CNTLN: variants seen among roughly 807,000 people sequenced by gnomAD.
CNTLN encodes centlein, centrosomal protein.
CNTLN carries 212 observed loss-of-function variants against 180.0 expected under a neutral mutation model. The ratio of observed to expected loss-of-function variants is 1.18; its 90% CI spans 1.05 to 1.32. CNTLN has a LOEUF of 1.32. CNTLN is among the 40% of genes most tolerant of loss of function. The pLI is 0.00. For missense variants in CNTLN, 2,095 were observed against 1,610.9 expected, an observed-to-expected ratio of 1.30 and a Z score of -5.14; for synonymous variants, 722 against 563.1, an observed-to-expected ratio of 1.28 and a Z score of -3.99.
chr9:17,437,721 A>C (rs1829860543), intron 18 of CNTLN, among the ~76,000 whole-genome samples: 1 of 152,218 alleles, frequency 6.6e-6, no homozygotes, highest in Admixed American at 6.5e-5. Context: ...AATATTCAAC[A>C]ATGAATTAAA....
intron 12 of CNTLN, among the ~76,000 whole-genome samples, chr9:17,365,520 A>G (rs2133427802): frequency 6.6e-6 from 1 of 152,334 alleles, no homozygotes; most frequent in East Asian, 1.9e-4. Context: ...GGTTCTGGTC[A>G]AATACTCACA....
At chr9:17,515,607 A>G in the CNTLN span, among the ~76,000 whole-genome samples, 3 of 152,130 alleles carry the variant, frequency 2.0e-5, no homozygotes, top group Non-Finnish European at 2.9e-5. Context: ...TGTTAGGCCA[A>G]AAAATCTTAG....
chr9:17,213,840 A>T (rs1823518639), intron 2 of CNTLN, among the ~76,000 whole-genome samples: 1 of 151,804 alleles, frequency 6.6e-6, no homozygotes, highest in Non-Finnish European at 1.5e-5. Context: ...ATCTTTGTTG[A>T]TTTAAAGTCT....
intron 5 of CNTLN, among the ~76,000 whole-genome samples, chr9:17,259,265 G>T (rs1229218171): frequency 1.3e-5 from 2 of 148,560 alleles, no homozygotes; most frequent in Non-Finnish European, 3.0e-5. Flanking sequence ...CTGTTTATAT[G>T]CTGGATTACA....
chr9:17,441,540 T>C (rs1830107366), intron 18 of CNTLN, among the ~76,000 whole-genome samples: 1 of 141,080 alleles, frequency 7.1e-6, no homozygotes, highest in African/African-American at 2.7e-5. Flanking sequence ...ACGAAGAAAA[T>C]ACCTATAGAA....
At chr9:17,160,400 A>G (rs553519884) in intron 2 of CNTLN, among the ~76,000 whole-genome samples, 1 of 152,222 alleles carries the variant, frequency 6.6e-6, no homozygotes, top group Admixed American at 6.5e-5. Context: ...TTTACTACCT[A>G]ACTTTCTCAC....
chr9:17,339,617 A>G (rs990731220), intron 10 of CNTLN, among the ~76,000 whole-genome samples: 3 of 152,182 alleles, frequency 2.0e-5, no homozygotes, highest in Admixed American at 1.3e-4. Flanking sequence ...ATAATATTAG[A>G]GAGTATCTGT....
intron 15 of CNTLN, among the ~76,000 whole-genome samples, chr9:17,404,776 C>T (rs1204813522): frequency 7.4e-6 from 1 of 135,296 alleles, no homozygotes; most frequent in African/African-American, 2.8e-5. Context: ...CTTGCTCTGT[C>T]TGCCAGGCTG....
chr9:17,484,194 T>TA (rs1475618866), intron 23 of CNTLN, 101 bp from the exon 24 acceptor site: 3 of 920,518 alleles, frequency 3.3e-6, no homozygotes, highest in East Asian at 2.5e-5. Context: ...GTAATCCTAG[T>TA]AAAAAAATGA....
At chr9:17,158,713 TC>T (rs370202595) in intron 2 of CNTLN, among the ~76,000 whole-genome samples, 2,880 of 152,092 alleles carry the variant, frequency 0.019, 56 homozygotes, top group African/African-American at 0.05. Context: ...ATTGGTAATA[TC>T]CCCCCCTTTT....
At chr9:17,381,030 T>C (rs1358389582) in intron 13 of CNTLN, among the ~76,000 whole-genome samples, 1 of 152,250 alleles carries the variant, frequency 6.6e-6, no homozygotes, top group Non-Finnish European at 1.5e-5. Flanking sequence ...AGTCTTCTTA[T>C]TAAATACAGC....
intron 25 of CNTLN, among the ~76,000 whole-genome samples, chr9:17,488,188 G>GT (rs1233104824): frequency 2.4e-4 from 36 of 152,212 alleles, no homozygotes; most frequent in African/African-American, 7.9e-4. Flanking sequence ...ATTCATGTTA[G>GT]TATCAGTTTG....
chr9:17,500,623 G>A (rs938187983), intron 25 of CNTLN, among the ~76,000 whole-genome samples: 1 of 152,142 alleles, frequency 6.6e-6, no homozygotes, highest in Non-Finnish European at 1.5e-5. Context: ...GTGCCTGTTA[G>A]CCTTTTAAAG....
intron 19 of CNTLN, among the ~76,000 whole-genome samples, chr9:17,460,046 A>T (rs1193114571): frequency 2.0e-5 from 3 of 151,726 alleles, no homozygotes; most frequent in African/African-American, 7.2e-5. Context: ...AATTGGCTAG[A>T]TTCGAATATA....
At chr9:17,405,109 T>C (rs1259377929) in intron 15 of CNTLN, among the ~76,000 whole-genome samples, 2 of 151,776 alleles carry the variant, frequency 1.3e-5, no homozygotes, top group Non-Finnish European at 2.9e-5. Flanking sequence ...TCACCTTACT[T>C]GACCTCTCAG....
At chr9:17,275,182 T>C (rs893360867) in intron 6 of CNTLN, among the ~76,000 whole-genome samples, 1 of 152,156 alleles carries the variant, frequency 6.6e-6, no homozygotes, top group African/African-American at 2.4e-5. Context: ...GTTTAGTCTT[T>C]CCTTGAAAAC....
At chr9:17,342,591 T>A in intron 12 of CNTLN, 147 bp downstream of exon 12, 1 of 689,482 alleles carries the variant, frequency 1.5e-6, no homozygotes, top group Non-Finnish European at 2.3e-6. Flanking sequence ...GACTAGCTTT[T>A]AAAAATATAT....
intron 9 of CNTLN, among the ~76,000 whole-genome samples, 169 bp from the exon 10 acceptor site, chr9:17,332,436 G>T (rs544556746): frequency 6.6e-6 from 1 of 151,752 alleles, no homozygotes; most frequent in Non-Finnish European, 1.5e-5. Context: ...AACCTTTAGC[G>T]GTAGCACTGT....
intron 15 of CNTLN, among the ~76,000 whole-genome samples, chr9:17,396,786 C>G (rs1826558254): frequency 6.6e-6 from 1 of 152,148 alleles, no homozygotes. Flanking sequence ...AATGTGCAGA[C>G]AAGTTTGAGA....
Sources: allele counts gnomAD v4.1 joint callset (sites outside exome capture counted in the v4.1 genomes callset), GRCh38; gene constraint gnomAD v4.1.1; transcripts MANE v1.5; gene names NCBI Gene and HGNC (gene_info 2026-07-23, HGNC 2026-07-21).